The following TAF1B variants were observed in gnomAD, a reference collection of about 807,000 sequenced individuals.
The protein encoded by TAF1B is TATA box-binding protein-associated factor RNA polymerase I subunit B.
Under a neutral mutation model 83.9 loss-of-function variants are expected in TAF1B, and 61 were observed. The observed-to-expected ratio is 0.73, with a 90% CI of 0.59 to 0.90. TAF1B has a LOEUF of 0.90. TAF1B is among the 40% of genes least tolerant of loss of function. TAF1B has a pLI of 0.00. For synonymous variants in TAF1B, 221 were observed against 224.6 expected, an observed-to-expected ratio of 0.98 and a Z score of 0.14; for missense variants, 625 against 677.0, an observed-to-expected ratio of 0.92 and a Z score of 0.85.
chr2:9,889,715 T>G (rs1664806776), intron 8 of TAF1B, among the ~76,000 whole-genome samples: 1 of 152,198 alleles, frequency 6.6e-6, no homozygotes, highest in African/African-American at 2.4e-5. Flanking sequence ...ATTAAGTAAC[T>G]TGAAGAACAG....
At chr2:9,928,413 G>C (rs1666110169) in intron 14 of TAF1B, among the ~76,000 whole-genome samples, 1 of 152,198 alleles carries the variant, frequency 6.6e-6, no homozygotes, top group South Asian at 2.1e-4. Flanking sequence ...TTGGTAGCTT[G>C]ATGGGGATGG....
intron 12 of TAF1B, among the ~76,000 whole-genome samples, chr2:9,916,891 T>C (rs1042910851): frequency 2.2e-5 from 3 of 136,814 alleles, no homozygotes; most frequent in Non-Finnish European, 4.7e-5. Context: ...CAGGCTGGAG[T>C]GCTGGAGTGC....
At chr2:9,894,290 A>C (rs934038790) in intron 8 of TAF1B, among the ~76,000 whole-genome samples, 46 of 152,130 alleles carry the variant, frequency 3.0e-4, no homozygotes, top group Admixed American at 1.4e-3. Flanking sequence ...AGTTTTTCTC[A>C]CATAGGTAGG....
chr2:9,863,461 T>A (rs1322204754), intron 5 of TAF1B, among the ~76,000 whole-genome samples: 3 of 152,034 alleles, frequency 2.0e-5, no homozygotes, highest in Non-Finnish European at 4.4e-5. Context: ...TCCTTAGTTA[T>A]CCACAAAGAG....
rs1211442083 is a variant in TAF1B at position 9,910,846 on chromosome 2, G to A, written c.1066G>A (p.Val356Ile). The A allele has an allele frequency of 6.2e-7, 1 of 1,613,648 alleles. No homozygotes were observed. Among genetic ancestry groups the A allele is most frequent in the South Asian group, 1.1e-5 (1 of 90,998 alleles). The change falls in exon 10 of 15, where the codon GTA (valine) becomes ATA (isoleucine). Residue 356 changes from valine (V) to isoleucine (I), a missense_variant. By Grantham distance (29) the Val-to-Ile change is conservative. Transcript: ENST00000263663. ...AATGGCAAAAACTGTTAAGTACGAT[G>A]TACAAGCTGTAGCTATCATTGTGGT... ...AKMAKTVKYD[V>I]QAVAIIVVVL... is the part of the protein sequence containing the mutation.
At chr2:9,925,151 C>T (rs1251976943) in intron 14 of TAF1B, among the ~76,000 whole-genome samples, 1 of 152,106 alleles carries the variant, frequency 6.6e-6, no homozygotes, top group Non-Finnish European at 1.5e-5. Flanking sequence ...AGTGAAAAAA[C>T]AGTACTCAGG....
At chr2:9,930,406 C>G (rs1409087914) in intron 14 of TAF1B, among the ~76,000 whole-genome samples, 4 of 152,126 alleles carry the variant, frequency 2.6e-5, no homozygotes, top group Non-Finnish European at 5.9e-5. Flanking sequence ...CAAAGTACAT[C>G]TTTATTTCGT....
chr2:9,880,135 T>C (rs1360107631), intron 7 of TAF1B, among the ~76,000 whole-genome samples: 1 of 152,208 alleles, frequency 6.6e-6, no homozygotes, highest in Non-Finnish European at 1.5e-5. Context: ...GATCTGTTTT[T>C]ACAGGTAGAC....
chr2:9,926,824 A>G (rs1000396064), intron 14 of TAF1B, among the ~76,000 whole-genome samples: 2 of 142,212 alleles, frequency 1.4e-5, no homozygotes, highest in African/African-American at 5.1e-5. Flanking sequence ...AAAAAAAAAG[A>G]GAGATTGGCA....
chr2:9,932,111 C>T (rs1666233434), intron 14 of TAF1B, among the ~76,000 whole-genome samples: 1 of 152,180 alleles, frequency 6.6e-6, no homozygotes, highest in African/African-American at 2.4e-5. Flanking sequence ...TGGGTTTGAA[C>T]ATCTGCCTTT....
At chr2:9,879,253 T>A (rs776201504) in intron 7 of TAF1B, among the ~76,000 whole-genome samples, 1 of 152,208 alleles carries the variant, frequency 6.6e-6, no homozygotes, top group Admixed American at 6.5e-5. Context: ...ACTCTTGAGC[T>A]TTGAGGCTGT....
chr2:9,925,612 C>T (rs1291459498), intron 14 of TAF1B, among the ~76,000 whole-genome samples: 1 of 149,682 alleles, frequency 6.7e-6, no homozygotes, highest in African/African-American at 2.5e-5. Flanking sequence ...GACAGAAGCT[C>T]GTTCTGTCAC....
At chr2:9,913,104 ATAT>A in intron 11 of TAF1B, 52 bp from the exon 12 acceptor site, 4 of 1,402,492 alleles carry the variant, frequency 2.9e-6, no homozygotes, top group Non-Finnish European at 3.9e-6. Flanking sequence ...TGAACAATGT[ATAT>A]TATTATAGTG....
rs1663166915 is a variant in TAF1B at position 9,845,230 on chromosome 2, A to G, written c.29A>G (p.Lys10Arg). The G allele has an allele frequency of 1.2e-6, 2 of 1,613,618 alleles. No homozygotes were observed. The highest frequency in any genetic ancestry group is 2.7e-5 in the African/African-American group (2 of 74,924). The change falls in exon 2 of 15, where the codon AAA becomes AGA. Residue 10 changes from lysine (K) to arginine (R), a missense_variant. By Grantham distance (26) the Lys-to-Arg change is conservative. Coordinates refer to ENST00000263663, the MANE Select transcript of TAF1B (RefSeq NM_005680.3). ...CCTCTTCTCCCATAGGAAGAGTTTA[A>G]AGAACGCTGTACTCAGTGTGCTGCT... MDLEEAEEF[K>R]ERCTQCAAVS...
chr2:9,893,602 T>C (rs963046881), intron 8 of TAF1B, among the ~76,000 whole-genome samples: 1 of 152,108 alleles, frequency 6.6e-6, no homozygotes, highest in African/African-American at 2.4e-5. Flanking sequence ...GTGGGAAGAT[T>C]GCTTGAGCCT....
chr2:9,921,719 T>G (rs1273242408), intron 14 of TAF1B, among the ~76,000 whole-genome samples: 1 of 152,208 alleles, frequency 6.6e-6, no homozygotes, highest in Non-Finnish European at 1.5e-5. Context: ...TATACAGGTG[T>G]TTACCATAAA....
intron 6 of TAF1B, among the ~76,000 whole-genome samples, chr2:9,875,363 C>A (rs946042921): frequency 1.3e-5 from 2 of 152,082 alleles, no homozygotes; most frequent in African/African-American, 4.8e-5. Context: ...CTCTTTATTG[C>A]CAAATTGCTC....
At chr2:9,884,342 C>T (rs960641027) in intron 8 of TAF1B, among the ~76,000 whole-genome samples, 38 of 152,350 alleles carry the variant, frequency 2.5e-4, no homozygotes, top group Non-Finnish European at 4.9e-4. Flanking sequence ...CTTTCCTTCT[C>T]TTTGCCCACA....
chr2:9,904,763 T>C, intron 8 of TAF1B, 96 bp from the exon 9 acceptor site: 1 of 1,223,704 alleles, frequency 8.2e-7, no homozygotes, highest in Non-Finnish European at 1.1e-6. Flanking sequence ...GTTATTTTTT[T>C]ACTTTTTAAT....
Sources: allele counts gnomAD v4.1 joint callset (sites outside exome capture counted in the v4.1 genomes callset), GRCh38; gene constraint gnomAD v4.1.1; transcripts MANE v1.5; gene names NCBI Gene and HGNC (gene_info 2026-07-23, HGNC 2026-07-21).